The following PPFIA3 variants were observed in gnomAD, a reference collection of about 807,000 sequenced individuals.
PPFIA3 encodes the protein PPFI scaffold protein A3, also known as liprin-alpha-3.
PPFIA3 carries 26 observed loss-of-function variants against 145.8 expected under a neutral mutation model. That is an observed-to-expected ratio of 0.18 (90% CI 0.13 to 0.25). The LOEUF is 0.25. Among genes scored for constraint, PPFIA3 ranks in the 10% least tolerant of loss-of-function variants. The pLI is 1.00. For missense variants in PPFIA3, 1,008 were observed against 1,587.8 expected (o/e 0.63, Z 6.21); for synonymous variants, 645 against 661.4 (o/e 0.98, Z 0.38).
At chr19:49,125,745 G>T (rs1047818351) in intron 1 of PPFIA3, among the ~76,000 whole-genome samples, 2 of 152,160 alleles carry the variant, frequency 1.3e-5, no homozygotes, top group African/African-American at 4.8e-5. Flanking sequence ...AGAGGGGTGC[G>T]GTCTCCGACT....
chr19:49,136,098 C>G (rs961085657), intron 14 of PPFIA3, among the ~76,000 whole-genome samples, 175 bp downstream of exon 14: 6 of 152,226 alleles, frequency 3.9e-5, no homozygotes, highest in Non-Finnish European at 7.3e-5. Context: ...CTGGATGTCT[C>G]CTCCTGTGGA....
rs764067615 is a variant in PPFIA3 at position 49,134,165 on chromosome 19, G to A, written c.1377G>A (p.Lys459=). ...AGCGCATGGGGGCGCTGGAGGAGAAGGTGCGCCCCCCATACAGGACTGCGG... is the reference window on the plus strand; with the variant it reads ...AGCGCATGGGGGCGCTGGAGGAGAAAGTGCGCCCCCCATACAGGACTGCGG... ...LKERMGALEE[K]NSLSEEIANM... Residue 459 remains lysine, a splice_region_variant and synonymous_variant, in exon 11 of 30, where the codon AAG becomes AAA. Coordinates refer to ENST00000334186, the MANE Select transcript of PPFIA3 (RefSeq NM_003660.4). 11 of 1,608,678 alleles carry A rather than the reference G, an allele frequency of 6.8e-6. No individual in the cohort carries two copies. The highest frequency in any genetic ancestry group is 9.3e-6 in the Non-Finnish European group (11 of 1,177,954).
rs371789835 is a variant in PPFIA3, at chr19:49,141,546, G to C, written c.2462+33G>C. Reference sequence around the variant, plus strand: ...TGTGTGAGTGTGAGCGTGTGTGTGTGTATGTGAATGTGAGAGTGTGTGAGG... The same window carrying C: ...TGTGTGAGTGTGAGCGTGTGTGTGTCTATGTGAATGTGAGAGTGTGTGAGG... On this transcript the variant is annotated intron_variant, in intron 19 of 29. Transcript: ENST00000334186. 4 of 1,538,710 alleles carry C rather than the reference G, an allele frequency of 2.6e-6. No homozygotes were observed. In the African/African-American group the frequency reaches 5.5e-5, roughly 21 times the overall value.
chr19:49,123,031 TTTTTA>T (rs1170184660), intron 1 of PPFIA3, among the ~76,000 whole-genome samples: 3 of 125,988 alleles, frequency 2.4e-5, no homozygotes, highest in African/African-American at 6.1e-5. Context: ...TGTTGTTTAG[TTTTTA>T]TTTTATTTTT....
intron 21 of PPFIA3, 123 bp downstream of exon 21, chr19:49,143,127 AC>A (rs1249670692): frequency 6.1e-6 from 7 of 1,141,714 alleles, no homozygotes; most frequent in African/African-American, 1.5e-5. Flanking sequence ...ATTGGCTTTT[AC>A]CCCCCTCAGC....
intron 14 of PPFIA3, among the ~76,000 whole-genome samples, 157 bp from the exon 15 acceptor site, chr19:49,136,567 A>G (rs1364109193): frequency 6.6e-6 from 1 of 152,224 alleles, no homozygotes; most frequent in Non-Finnish European, 1.5e-5. Flanking sequence ...CGACAGAATG[A>G]GACTCTGTCT....
chr19:49,148,062 C>T (rs769145002), intron 23 of PPFIA3, 21 bp from the exon 24 acceptor site: 3 of 1,601,928 alleles, frequency 1.9e-6, no homozygotes, highest in South Asian at 2.3e-5. Flanking sequence ...TGACTCTTCC[C>T]TCACCTGCCC....
chr19:49,140,140 C>T, intron 18 of PPFIA3, 52 bp downstream of exon 18: 2 of 1,573,756 alleles, frequency 1.3e-6, no homozygotes, highest in Non-Finnish European at 1.7e-6. Flanking sequence ...TCCCTTCCTC[C>T]CTCCCTTTCT....
intron 1 of PPFIA3, among the ~76,000 whole-genome samples, chr19:49,124,569 G>C (rs2040974110): frequency 6.6e-6 from 1 of 152,148 alleles, no homozygotes; most frequent in African/African-American, 2.4e-5. Flanking sequence ...AGATTACTTA[G>C]GCCTATGAGC....
Position 49,130,447 on chromosome 19 carries a change from G to A in PPFIA3, c.727G>A (p.Glu243Lys), listed in dbSNP as rs1051123079. ...CACAGCAGAGCTGGAGGAGGCCCTG[G>A]AGCGGCAGCGCGCCGAGGTGTGCCA... The part of the protein sequence containing the change: ...RRTAELEEAL[E>K]RQRAEVCQLR... The change falls in exon 7 of 30, where the codon GAG (glutamate) becomes AAG (lysine). Residue 243 changes from glutamate to lysine, a missense_variant. Around this residue, in one of 11 missense-constraint regions of PPFIA3, gnomAD observed 136 missense variants for 160.7 expected, o/e 0.85. Coordinates refer to ENST00000334186, the MANE Select transcript of PPFIA3 (RefSeq NM_003660.4). The surrounding 1 kb of genome is among the most constrained non-coding windows in gnomAD (Gnocchi z 4.5). 4 of 1,609,942 alleles carry A rather than the reference G, an allele frequency of 2.5e-6. No homozygotes were observed. Among genetic ancestry groups the A allele is most frequent in the Non-Finnish European group, 3.4e-6 (4 of 1,178,676 alleles).
chr19:49,131,786 G>A (rs373365954), intron 7 of PPFIA3, among the ~76,000 whole-genome samples: 5 of 150,330 alleles, frequency 3.3e-5, no homozygotes, highest in Middle Eastern at 3.6e-3. Context: ...CGAGGCGGGC[G>A]GATCACGAGG....
chr19:49,133,430 C>A lies in PPFIA3; in HGVS notation c.1161+59C>A. ...GGGAAGGGGTGGGGCCTAGAGGAGG[C>A]GGGGCCGTGAATCTGGAGGGGTAGG... On this transcript the variant is annotated intron_variant, in intron 9 of 29. Transcript: ENST00000334186. The surrounding 1 kb of genome is among the most constrained non-coding windows in gnomAD (Gnocchi z 7.2). The A allele has an allele frequency of 1.5e-6, 2 of 1,347,002 alleles. No homozygotes were observed. The highest frequency in any genetic ancestry group is 2.8e-5 in the South Asian group (2 of 70,540). 83.4% of individuals were successfully genotyped at this position (1,347,002 alleles called of 1,614,324 possible).
At chr19:49,125,048 T>C (rs1056030914) in intron 1 of PPFIA3, among the ~76,000 whole-genome samples, 4 of 152,126 alleles carry the variant, frequency 2.6e-5, no homozygotes, top group East Asian at 3.9e-4. Flanking sequence ...GCCTGGGCGA[T>C]AGAGTGAGAC....
At position 49,130,113 on chromosome 19, in the gene PPFIA3, G is replaced by A; in HGVS notation, c.657+46G>A. On this transcript the variant is annotated intron_variant, in intron 6 of 29. Transcript: ENST00000334186. This position sits in a 1 kb window ranked among gnomAD's most constrained non-coding sequence, Gnocchi z 4.5. ...CTCCGTGAGCTCCATTCAACTCCCT[G>A]ACTTTGTGATAGTGTTTGTAACGTT... The A allele has an allele frequency of 6.4e-7, 1 of 1,566,796 alleles. No individual in the cohort carries two copies. Among genetic ancestry groups the A allele is most frequent in the Non-Finnish European group, 8.7e-7 (1 of 1,147,852 alleles).
At chr19:49,131,997 G>A (rs1488798049) in intron 7 of PPFIA3, among the ~76,000 whole-genome samples, 29 of 137,186 alleles carry the variant, frequency 2.1e-4, no homozygotes, top group African/African-American at 7.8e-4. Flanking sequence ...GCAACAGAGC[G>A]AGACTCCGTC....
chr19:49,142,905 G>A lies in PPFIA3; in HGVS notation c.2646G>A (p.Glu882=). Residue 882 remains glutamate (E), a synonymous_variant, in exon 21 of 30, where the codon GAG becomes GAA. Transcript: ENST00000334186. ...TGTCAGACACGGAGATCCAGCGCGA[G>A]ATCGGCATCAGCAACCCGCTGCACC... The part of the protein sequence containing the change: ...ANLSDTEIQR[E]IGISNPLHRL... 3.7e-6 allele frequency: 6 copies of A among 1,613,874 alleles called. No individual in the cohort carries two copies. Among genetic ancestry groups the A allele is most frequent in the Non-Finnish European group, 5.1e-6 (6 of 1,180,012 alleles).
intron 15 of PPFIA3, among the ~76,000 whole-genome samples, chr19:49,137,628 C>CAAAAAAAAAAAAAAAAAAAAAAAAAA (rs3032695): frequency 2.7e-4 from 12 of 43,782 alleles, no homozygotes; most frequent in Admixed American, 3.3e-4. Flanking sequence ...GACTCCGTGT[C>CAAAAAAAAAAAAAAAAAAAAAAAAAA]AAAAAAAAAA....
Position 49,149,351 on chromosome 19 carries a change from C to G in PPFIA3, c.3354+26C>G, listed in dbSNP as rs575601438. On this transcript the variant is annotated intron_variant, in intron 27 of 29. Coordinates refer to ENST00000334186, the MANE Select transcript of PPFIA3 (RefSeq NM_003660.4). This position sits in a 1 kb window ranked among gnomAD's most constrained non-coding sequence, Gnocchi z 5.7. The stretch of plus-strand genomic sequence containing the variant: ...GTGGGCGCGGCAACAGCTCAGAGGG[C>G]TCTGCTCCCAGCGGCTCCTCGAGAG... 5 of 1,612,774 alleles carry G rather than the reference C, an allele frequency of 3.1e-6. No homozygotes were observed. In the African/African-American group the frequency reaches 5.3e-5, roughly 17 times the overall value.
intron 23 of PPFIA3, among the ~76,000 whole-genome samples, chr19:49,147,224 T>C (rs925239039): frequency 6.6e-6 from 1 of 152,120 alleles, no homozygotes; most frequent in African/African-American, 2.4e-5. Context: ...TTAGTGACGT[T>C]GGACTGCAGT....
Sources: gnomAD v4.1 joint callset for allele counts (sites outside exome capture counted in the v4.1 genomes callset) on GRCh38, gnomAD v4.1.1 for gene constraint, gnomAD v4.1.1 regional missense constraint, Gnocchi (gnomAD v3.1) non-coding constraint, MANE v1.5 for transcripts, NCBI Gene and HGNC (gene_info 2026-07-23, HGNC 2026-07-21) for gene names.